The following TRANK1 variants were observed in gnomAD, a reference collection of about 807,000 sequenced individuals.
TRANK1 encodes the protein TPR and ankyrin repeat-containing protein 1.
TRANK1 carries 198 observed loss-of-function variants against 266.0 expected under a neutral mutation model. The ratio of observed to expected loss-of-function variants is 0.74; its 90% CI spans 0.66 to 0.84. The LOEUF (loss-of-function observed/expected upper bound fraction) is 0.84. Among genes scored for constraint, TRANK1 ranks in the 40% least tolerant of loss-of-function variants. The pLI is 0.00. For synonymous variants in TRANK1, 1,396 were observed against 1,384.1 expected (o/e 1.01, Z -0.19); for missense variants, 3,326 against 3,634.6 (o/e 0.92, Z 2.18).
intron 15 of TRANK1, among the ~76,000 whole-genome samples, chr3:36,848,477 C>T (rs768569122): frequency 6.6e-6 from 1 of 152,124 alleles, no homozygotes; most frequent in Non-Finnish European, 1.5e-5. Context: ...GAGTAGCTCT[C>T]CTAGCCTTTA....
intron 1 of TRANK1, among the ~76,000 whole-genome samples, chr3:36,943,794 T>G (rs1314409725): frequency 6.6e-6 from 1 of 152,002 alleles, no homozygotes; most frequent in Non-Finnish European, 1.5e-5. Flanking sequence ...CCTTCCCGCA[T>G]AAGGACTAAC....
At chr3:36,945,706 C>T (rs73826921), upstream of TRANK1, among the ~76,000 whole-genome samples, 906 of 152,306 alleles carry the variant, frequency 5.9e-3, 11 homozygotes, top group African/African-American at 0.021. Flanking sequence ...CCTAGGGAGC[C>T]GGTTTGGTCT....
At chr3:36,872,337 G>A (rs2079321287) in intron 9 of TRANK1, among the ~76,000 whole-genome samples, 1 of 152,182 alleles carries the variant, frequency 6.6e-6, no homozygotes, top group South Asian at 2.1e-4. Context: ...GGAGATGGGA[G>A]GTTGCAATGA....
intron 21 of TRANK1, 59 bp from the exon 22 acceptor site, chr3:36,833,978 C>A: frequency 4.0e-6 from 6 of 1,505,364 alleles, no homozygotes; most frequent in Non-Finnish European, 5.3e-6. Context: ...AGAAAATTTC[C>A]TCCAAAATAC....
chr3:36,892,206 T>A lies in TRANK1; in HGVS notation c.771A>T (p.Gln257His). 1 of 1,536,880 alleles carries A rather than the reference T, an allele frequency of 6.5e-7. No homozygotes were observed. The highest frequency in any genetic ancestry group is 8.7e-7 in the Non-Finnish European group (1 of 1,146,728). The change falls in exon 7 of 24, where the codon CAA becomes CAT. Residue 257 changes from glutamine (Q) to histidine (H), a missense_variant. Coordinates refer to ENST00000645898, the MANE Select transcript of TRANK1 (RefSeq NM_001329998.2). ...PLHALMRLCI[Q>H]ARENHLFRWL... ...GAAAACTGGGAGAAGACTCACTGGC[T>A]TGGATACAGAGTCGCATGAGGGCAT...
intron 15 of TRANK1, among the ~76,000 whole-genome samples, chr3:36,849,089 T>C (rs2078953008): frequency 6.6e-6 from 1 of 152,178 alleles, no homozygotes; most frequent in South Asian, 2.1e-4. Context: ...AGTCTTCCAG[T>C]TTCTTTTCTT....
chr3:36,912,366 C>A (rs2080064324), intron 1 of TRANK1, among the ~76,000 whole-genome samples: 1 of 152,126 alleles, frequency 6.6e-6, no homozygotes, highest in African/African-American at 2.4e-5. Context: ...CTCTGAAGGG[C>A]CAAGACAGAG....
rs778250659 is a variant in TRANK1, at chr3:36,856,837, T to G, written c.2885A>C (p.Tyr962Ser). 1 of 1,614,038 alleles carries G rather than the reference T, an allele frequency of 6.2e-7. No homozygotes were observed. Among genetic ancestry groups the G allele is most frequent in the South Asian group, 1.1e-5 (1 of 91,090 alleles). The change falls in exon 13 of 24, where the codon TAC becomes TCC. Residue 962 changes from tyrosine to serine, a missense_variant. Transcript: ENST00000645898. ...CAGGACACAGGACAAGCCCCGGTTG[T>G]AGGCATTGCAGATGGCCTTGATGGA... ...ADSIKAICNA[Y>S]NRGLSCVLRK... is the part of the protein sequence containing the mutation.
At chr3:36,881,477 GT>G (rs1179981238) in intron 8 of TRANK1, among the ~76,000 whole-genome samples, 1 of 151,690 alleles carries the variant, frequency 6.6e-6, no homozygotes, top group African/African-American at 2.4e-5. Context: ...GCCAAGCATG[GT>G]GGCACATGCC....
intron 4 of TRANK1, among the ~76,000 whole-genome samples, chr3:36,898,849 CAAA>C (rs57126220): frequency 6.2e-5 from 7 of 112,866 alleles, no homozygotes; most frequent in Non-Finnish European, 3.9e-5. Flanking sequence ...GACTCTGTCT[CAAA>C]AAAAAAAAAA....
chr3:36,875,647 C>T (rs1457311143), intron 8 of TRANK1, among the ~76,000 whole-genome samples: 1 of 152,212 alleles, frequency 6.6e-6, no homozygotes, highest in Non-Finnish European at 1.5e-5. Flanking sequence ...TATACTGCCC[C>T]AAAGGGGGTA....
chr3:36,853,884 C>A lies in TRANK1; in HGVS notation c.4549+1289G>T, dbSNP rs141022459. On this transcript the variant is annotated intron_variant, in intron 13 of 23. Transcript: ENST00000645898. ...AGAAGGACACAATGAGTAGTAACTG[C>A]TATGATTATGGGTTTTGAGGGGTTT... Among the ~76,000 whole-genome samples the A allele has an allele frequency of 2.1e-3, 318 of 152,238 alleles. 2 individuals are homozygous for A. Among genetic ancestry groups the A allele is most frequent in the African/African-American group, 7.2e-3 (297 of 41,522 alleles).
chr3:36,921,569 T>C (rs540038482), intron 1 of TRANK1, among the ~76,000 whole-genome samples: 156 of 152,230 alleles, frequency 1.0e-3, no homozygotes, highest in African/African-American at 3.4e-3. Flanking sequence ...TTGCTATAAC[T>C]CCAGGCATCA....
At chr3:36,859,334 T>C (rs537674557) in intron 11 of TRANK1, among the ~76,000 whole-genome samples, 156 of 151,958 alleles carry the variant, frequency 1.0e-3, no homozygotes, top group African/African-American at 3.3e-3. Context: ...GTTTGTTACA[T>C]AGGTATACAC....
At chr3:36,847,876 T>C (rs1315708483) in intron 15 of TRANK1, among the ~76,000 whole-genome samples, 1 of 152,202 alleles carries the variant, frequency 6.6e-6, no homozygotes, top group Non-Finnish European at 1.5e-5. Context: ...CTCGAACACA[T>C]TGTTTATTCT....
chr3:36,855,352 G>T lies in TRANK1; in HGVS notation c.4370C>A (p.Pro1457His). Residue 1457 changes from proline to histidine, a missense_variant, in exon 13 of 24, where the codon CCC becomes CAC. Coordinates refer to ENST00000645898, the MANE Select transcript of TRANK1 (RefSeq NM_001329998.2). The stretch of plus-strand genomic sequence containing the variant: ...GTCCCCCGTGAGGAACATAGAGTTG[G>T]GGTCATTGATGCATTTCATCAGCAG... Reference protein sequence around the residue: ...LALLMKCINDPNSMFLTGDTA... With the variant: ...LALLMKCINDHNSMFLTGDTA... The T allele has an allele frequency of 6.2e-7, 1 of 1,614,008 alleles. No homozygotes were observed. The highest frequency in any genetic ancestry group is 8.5e-7 in the Non-Finnish European group (1 of 1,179,878).
Position 36,831,581 on chromosome 3 carries a change from C to A in TRANK1, c.8002G>T (p.Val2668Phe). 1 of 1,613,688 alleles carries A rather than the reference C, an allele frequency of 6.2e-7. No individual in the cohort carries two copies. The change falls in exon 22 of 24, where the codon GTC becomes TTC. Residue 2668 changes from valine to phenylalanine, a missense_variant. Coordinates refer to ENST00000645898, the MANE Select transcript of TRANK1 (RefSeq NM_001329998.2). The surrounding 1 kb of genome is among the most constrained non-coding windows in gnomAD (Gnocchi z 5.0). ...SIVRGLYYEE[V>F]RLNRLLCLDP... ...AAACAGAGCAGGCGGTTTAGTCTGA[C>A]CTCCTCATAATAGAGGCCACGGACT... is the stretch of plus-strand genomic sequence containing the variant.
At chr3:36,876,578 G>T (rs2079391502) in intron 8 of TRANK1, among the ~76,000 whole-genome samples, 1 of 152,204 alleles carries the variant, frequency 6.6e-6, no homozygotes, top group Admixed American at 6.5e-5. Flanking sequence ...GTCTGAAAAC[G>T]AAACTAACAG....
chr3:36,847,247 C>T lies in TRANK1; in HGVS notation c.4987G>A (p.Gly1663Ser). Reference sequence around the variant, plus strand: ...ATGAGAGATCGACCCTGAGAAGAGCCTGGTTTGTCCAGGGGTACTTCAACC... The same window carrying T: ...ATGAGAGATCGACCCTGAGAAGAGCTTGGTTTGTCCAGGGGTACTTCAACC... ...PLVEVPLDKP[G>S]SSQGRSLMVN... is the part of the protein sequence containing the mutation. The change falls in exon 16 of 24, where the codon GGC becomes AGC. Residue 1663 changes from glycine to serine, a missense_variant. Physicochemically the swap from Gly to Ser is moderately conservative, Grantham distance 56. Transcript: ENST00000645898. 1.2e-6 allele frequency: 2 copies of T among 1,613,588 alleles called. No individual in the cohort carries two copies. The highest frequency in any genetic ancestry group is 8.5e-7 in the Non-Finnish European group (1 of 1,179,736).
Sources: allele counts gnomAD v4.1 joint callset (sites outside exome capture counted in the v4.1 genomes callset), GRCh38; gene constraint gnomAD v4.1.1; non-coding constraint Gnocchi (gnomAD v3.1); transcripts MANE v1.5; gene names NCBI Gene and HGNC (gene_info 2026-07-23, HGNC 2026-07-21).